The following CREBL2 variants were observed in gnomAD, a reference collection of about 807,000 sequenced individuals.
CREBL2 encodes the protein cAMP responsive element binding protein like 2.
CREBL2 carries 4 observed loss-of-function variants against 19.5 expected under a neutral mutation model. That is an observed-to-expected ratio of 0.20 (90% CI 0.10 to 0.47). The LOEUF (loss-of-function observed/expected upper bound fraction) is 0.47. Among genes scored for constraint, CREBL2 ranks in the 20% least tolerant of loss-of-function variants. The probability of loss-of-function intolerance (pLI) is 0.98; values close to 1 mark genes in which losing one functional copy is unlikely to be tolerated. For missense variants in CREBL2, 85 were observed against 145.1 expected, an observed-to-expected ratio of 0.59 and a Z score of 2.13; for synonymous variants, 42 against 46.6, an observed-to-expected ratio of 0.90 and a Z score of 0.40.
rs1045672427 is a variant in CREBL2, at chr12:12,644,012, G to T, written c.*2014G>T. 6.6e-6 allele frequency: 1 copy of T among 152,498 alleles called. No homozygotes were observed. The allele number at this position is 152,498 out of a possible 1,614,324, so 9.4% of individuals were successfully genotyped here. A position where few individuals can be genotyped will look rare whatever the true frequency, so the allele number is the denominator to read the frequency against. On this transcript the variant is annotated 3_prime_UTR_variant, in exon 4 of 4. Coordinates refer to ENST00000228865, the MANE Select transcript of CREBL2 (RefSeq NM_001310.4). ...AAACAAACATTCCAGAATGAATGTC[G>T]CTCTTCAATGGAACGTCTTTATTGT... is the stretch of plus-strand genomic sequence containing the variant.
intron 1 of CREBL2, 40 bp downstream of exon 1, chr12:12,612,227 G>A (rs1592235281): frequency 6.2e-7 from 1 of 1,613,112 alleles, no homozygotes; most frequent in Non-Finnish European, 8.5e-7. Context: ...CCTTCTTGTC[G>A]CTCAATGCTA....
Position 12,611,905 on chromosome 12 carries a change from A to G in CREBL2, c.-268A>G, listed in dbSNP as rs1945268769. 2 of 537,072 alleles carry G rather than the reference A, an allele frequency of 3.7e-6. No individual in the cohort carries two copies. The highest frequency in any genetic ancestry group is 6.6e-6 in the Non-Finnish European group (2 of 303,760). 33.3% of individuals were successfully genotyped at this position (537,072 alleles called of 1,614,324 possible). ...TCGGCGGCTCTCCAGAGCGTCTGTA[A>G]ACACCCAGAGACTGTCATGGAGGGG... On this transcript the variant is annotated 5_prime_UTR_variant, in exon 1 of 4. Transcript: ENST00000228865.
intron 1 of CREBL2, among the ~76,000 whole-genome samples, chr12:12,625,733 A>C: frequency 6.6e-6 from 1 of 152,200 alleles, no homozygotes; most frequent in East Asian, 1.9e-4. Context: ...CTATGTATAC[A>C]CATCCCTCCA....
chr12:12,623,145 ATAG>A (rs1278692393), intron 1 of CREBL2, among the ~76,000 whole-genome samples: 2 of 134,936 alleles, frequency 1.5e-5, no homozygotes. Flanking sequence ...GTTGTTGGTG[ATAG>A]TAGTATCAGT....
intron 1 of CREBL2, 92 bp downstream of exon 1, chr12:12,612,279 C>T (rs3940354): frequency 1.9e-6 from 3 of 1,602,000 alleles, no homozygotes; most frequent in Non-Finnish European, 2.6e-6. Context: ...ACGCCAACAC[C>T]CAAGAGACAC....
chr12:12,613,998 T>C (rs1313044517), intron 1 of CREBL2, among the ~76,000 whole-genome samples: 8 of 140,398 alleles, frequency 5.7e-5, no homozygotes, highest in East Asian at 4.1e-4. Context: ...TTCTTTTTTT[T>C]TTTTTTTTTT....
At chr12:12,633,037 G>A (rs1363881084) in intron 1 of CREBL2, among the ~76,000 whole-genome samples, 3 of 151,310 alleles carry the variant, frequency 2.0e-5, no homozygotes, top group Non-Finnish European at 4.4e-5. Context: ...ACGTTCAAGC[G>A]ATTCTCCTGC....
At chr12:12,618,599 C>T (rs1213984894) in intron 1 of CREBL2, among the ~76,000 whole-genome samples, 1 of 152,140 alleles carries the variant, frequency 6.6e-6, no homozygotes, top group East Asian at 1.9e-4. Context: ...GGCAGCCAGG[C>T]AGAGACGCTC....
chr12:12,620,445 G>A (rs1030044644), intron 1 of CREBL2, among the ~76,000 whole-genome samples: 1 of 151,892 alleles, frequency 6.6e-6, no homozygotes, highest in African/African-American at 2.4e-5. Flanking sequence ...GTCCAGGCTG[G>A]TTTCAGACTC....
chr12:12,616,899 G>A (rs1296098560), intron 1 of CREBL2, among the ~76,000 whole-genome samples: 1 of 152,176 alleles, frequency 6.6e-6, no homozygotes, highest in African/African-American at 2.4e-5. Context: ...CAGGGCAACA[G>A]GAAGAAGACA....
At chr12:12,641,253 A>ATTATTATTATTTT (rs1478394376) in intron 3 of CREBL2, among the ~76,000 whole-genome samples, 1 of 78,262 alleles carries the variant, frequency 1.3e-5, no homozygotes, top group African/African-American at 4.8e-5. Context: ...TATTATTATT[A>ATTATTATTATTTT]TTTTTTTTTA....
intron 1 of CREBL2, among the ~76,000 whole-genome samples, chr12:12,630,194 T>C (rs1945433200): frequency 6.6e-6 from 1 of 152,160 alleles, no homozygotes; most frequent in African/African-American, 2.4e-5. Flanking sequence ...TTTGGTAGAA[T>C]TCATTAGTGA....
chr12:12,612,213 G>A, intron 1 of CREBL2, 26 bp downstream of exon 1: 1 of 1,613,302 alleles, frequency 6.2e-7, no homozygotes. Flanking sequence ...TGCACGCGCC[G>A]CCGCCTTCTT....
At chr12:12,626,217 A>ATGCC in intron 1 of CREBL2, among the ~76,000 whole-genome samples, 1 of 152,108 alleles carries the variant, frequency 6.6e-6, no homozygotes, top group Non-Finnish European at 1.5e-5. Flanking sequence ...AAGAGCATGC[A>ATGCC]ACTATAATTA....
At chr12:12,613,143 T>G (rs1455847338) in intron 1 of CREBL2, among the ~76,000 whole-genome samples, 1 of 152,260 alleles carries the variant, frequency 6.6e-6, no homozygotes, top group Non-Finnish European at 1.5e-5. Context: ...GTGCTGGGAT[T>G]ACAGGCGTGA....
At position 12,635,921 on chromosome 12, in the gene CREBL2, T is replaced by C. The variant is rs1945471322; in HGVS notation, c.160T>C (p.Leu54=). The part of the protein sequence containing the change: ...KKLRYQYLEE[L]VSSRERAICA... ...GCTGAGATATCAGTATTTGGAAGAG[T>C]TGGTATCCAGTCGAGAAAGAGCTAT... The change falls in exon 2 of 4, where the codon TTG becomes CTG. Residue 54 remains leucine (L), a synonymous_variant. Coordinates refer to ENST00000228865, the MANE Select transcript of CREBL2 (RefSeq NM_001310.4). The C allele has an allele frequency of 6.2e-7, 1 of 1,613,810 alleles. No individual in the cohort carries two copies. The highest frequency in any genetic ancestry group is 1.7e-5 in the Admixed American group (1 of 59,982).
intron 1 of CREBL2, among the ~76,000 whole-genome samples, chr12:12,635,253 C>G (rs1945465989): frequency 6.6e-6 from 1 of 151,708 alleles, no homozygotes; most frequent in African/African-American, 2.4e-5. Flanking sequence ...CCTATAGTTA[C>G]AGCGACACGG....
intron 3 of CREBL2, among the ~76,000 whole-genome samples, chr12:12,639,034 T>C (rs1945498105): frequency 1.3e-5 from 2 of 152,238 alleles, no homozygotes; most frequent in Admixed American, 1.3e-4. Flanking sequence ...TTACCTATTC[T>C]GTATATTAAT....
chr12:12,628,919 C>G (rs1359252993), intron 1 of CREBL2, among the ~76,000 whole-genome samples: 1 of 152,244 alleles, frequency 6.6e-6, no homozygotes, highest in Non-Finnish European at 1.5e-5. Context: ...TGTCAAAAAT[C>G]AATTGACCAT....
Sources: allele counts gnomAD v4.1 joint callset (sites outside exome capture counted in the v4.1 genomes callset), GRCh38; gene constraint gnomAD v4.1.1; transcripts MANE v1.5; gene names NCBI Gene and HGNC (gene_info 2026-07-23, HGNC 2026-07-21).